BICD1: variants seen among roughly 807,000 people sequenced by gnomAD.
The protein encoded by BICD1 is BICD cargo adaptor 1, also known as protein bicaudal D homolog 1.
In BICD1, 35 loss-of-function variants were observed where a neutral mutation model predicts 92.5. That is an observed-to-expected ratio of 0.38 (90% CI 0.29 to 0.50). The LOEUF is 0.50. Among genes scored for constraint, BICD1 ranks in the 20% least tolerant of loss-of-function variants. The pLI, the probability that BICD1 is intolerant of heterozygous loss-of-function variation, is 0.93. For missense variants in BICD1, 950 were observed against 1,189.8 expected (o/e 0.80, Z 2.97); for synonymous variants, 429 against 465.1 (o/e 0.92, Z 1.00).
chr12:32,140,960 G>C (rs974498419), intron 1 of BICD1, among the ~76,000 whole-genome samples: 4 of 152,180 alleles, frequency 2.6e-5, no homozygotes, highest in Non-Finnish European at 5.9e-5. Context: ...TAGAACGTAC[G>C]TGTTTGCATG....
intron 2 of BICD1, among the ~76,000 whole-genome samples, chr12:32,274,506 A>C (rs900469859): frequency 1.3e-5 from 2 of 152,244 alleles, no homozygotes; most frequent in African/African-American, 2.4e-5. Flanking sequence ...CTCCAGAATC[A>C]GTTCTGAAGA....
chr12:32,124,322 G>A (rs953562136), intron 1 of BICD1, among the ~76,000 whole-genome samples: 4 of 152,178 alleles, frequency 2.6e-5, no homozygotes, highest in African/African-American at 9.7e-5. Context: ...TAAATGAATT[G>A]TGATATTTTA....
intron 1 of BICD1, among the ~76,000 whole-genome samples, chr12:32,201,104 G>T (rs1296713182): frequency 6.6e-6 from 1 of 152,118 alleles, no homozygotes; most frequent in Non-Finnish European, 1.5e-5. Context: ...AGAGCCTACT[G>T]TAATTTTTTC....
At chr12:32,211,113 C>G (rs1945200771) in intron 1 of BICD1, among the ~76,000 whole-genome samples, 1 of 152,164 alleles carries the variant, frequency 6.6e-6, no homozygotes, top group African/African-American at 2.4e-5. Context: ...CAGCCATTTT[C>G]TGAGTAGTGT....
chr12:32,300,399 AGCCAG>A (rs1948004102), intron 3 of BICD1, among the ~76,000 whole-genome samples: 1 of 151,896 alleles, frequency 6.6e-6, no homozygotes, highest in African/African-American at 2.4e-5. Context: ...CACCGTGCCC[AGCCAG>A]GACATACTAT....
At position 32,378,293 on chromosome 12, in the gene BICD1, A is replaced by T. The variant is rs190030615; in HGVS notation, c.*666A>T. The T allele has an allele frequency of 6.6e-6, 1 of 152,358 alleles. No homozygotes were observed. Among genetic ancestry groups the T allele is most frequent in the Non-Finnish European group, 1.5e-5 (1 of 68,034 alleles). The allele number at this position is 152,358 out of a possible 1,614,324, so 9.4% of individuals were successfully genotyped here. On this transcript the variant is annotated 3_prime_UTR_variant, in exon 10 of 10. Coordinates refer to ENST00000652176, the MANE Select transcript of BICD1 (RefSeq NM_001714.4). ...GTATTGTTTAGGCACTTACTTTCTA[A>T]TCAGTAGCTCATTAACTGCTGGGTT...
rs1324324952 is a variant in BICD1, at chr12:32,378,503, TAAAG to T, written c.*879_*882del. 1 of 152,212 alleles carries T rather than the reference TAAAG, an allele frequency of 6.6e-6. No individual in the cohort carries two copies. Among genetic ancestry groups the T allele is most frequent in the Non-Finnish European group, 1.5e-5 (1 of 68,038 alleles). 9.4% of individuals were successfully genotyped at this position (152,212 alleles called of 1,614,324 possible). On this transcript the variant is annotated 3_prime_UTR_variant, in exon 10 of 10. Transcript: ENST00000652176. The stretch of plus-strand genomic sequence containing the variant: ...TATGTGTGTATGTGTGTGATAACGT[TAAAG>T]AAGGCTCAATAACTTGAAGGGAAAA...
At chr12:32,320,802 A>G (rs1948635044) in intron 4 of BICD1, among the ~76,000 whole-genome samples, 1 of 152,248 alleles carries the variant, frequency 6.6e-6, no homozygotes, top group Non-Finnish European at 1.5e-5. Flanking sequence ...TGGCAAAACA[A>G]CCAGCTCTGC....
intron 2 of BICD1, among the ~76,000 whole-genome samples, chr12:32,271,619 G>A (rs752672554): frequency 2.0e-5 from 3 of 152,120 alleles, no homozygotes; most frequent in Non-Finnish European, 4.4e-5. Context: ...ACCTTGTGTG[G>A]AAAATGCTGT....
chr12:32,301,679 G>T (rs1322107502), intron 3 of BICD1, among the ~76,000 whole-genome samples: 3 of 151,926 alleles, frequency 2.0e-5, no homozygotes, highest in African/African-American at 7.3e-5. Context: ...GGAGGCTGAG[G>T]TGGGAGGATT....
At position 32,116,462 on chromosome 12, in the gene BICD1, GTCTC is replaced by G. The variant is rs1173406919; in HGVS notation, c.213+8944_213+8947del. On this transcript the variant is annotated intron_variant, in intron 1 of 9. Transcript: ENST00000652176. ...TCTCTGTCTGTCTGTCTGTCTGTCT[GTCTC>G]TCTCTCTCTCTCTCTCTCTCTCTCT... Among the ~76,000 whole-genome samples, 436 of 91,594 alleles carry G rather than the reference GTCTC, an allele frequency of 4.8e-3. 3 individuals are homozygous for G. Among genetic ancestry groups the G allele is most frequent in the East Asian group, 0.019 (69 of 3,684 alleles). 60.1% of individuals were successfully genotyped at this position (91,594 alleles called of 152,430 possible).
At chr12:32,333,026 A>G in intron 5 of BICD1, 2 of 985,424 alleles carry the variant, frequency 2.0e-6, no homozygotes. Flanking sequence ...GCTTTGGGGT[A>G]TTTGTCACAA....
chr12:32,287,928 T>C (rs1048741685), intron 2 of BICD1, among the ~76,000 whole-genome samples: 1 of 152,176 alleles, frequency 6.6e-6, no homozygotes, highest in Non-Finnish European at 1.5e-5. Flanking sequence ...CAAGATGGCC[T>C]TCCTCCCATG....
In BICD1 at chr12:32,280,151, C is replaced by T. The variant is rs529502130; in HGVS notation, c.427-13843C>T. On this transcript the variant is annotated intron_variant, in intron 2 of 9. Coordinates refer to ENST00000652176, the MANE Select transcript of BICD1 (RefSeq NM_001714.4). ...TGAAAATTATGCAGTATGGGTTTCACTGTAGTTTTACTACTCTTGTATAGA... is the reference window on the plus strand; with the variant it reads ...TGAAAATTATGCAGTATGGGTTTCATTGTAGTTTTACTACTCTTGTATAGA... Among the ~76,000 whole-genome samples the T allele has an allele frequency of 2.3e-3, 355 of 152,198 alleles. 2 individuals carry two copies. The highest frequency in any genetic ancestry group is 8.2e-3 in the African/African-American group (341 of 41,528).
intron 9 of BICD1, among the ~76,000 whole-genome samples, chr12:32,368,286 G>A (rs1250950319): frequency 6.6e-6 from 1 of 151,598 alleles, no homozygotes; most frequent in East Asian, 2.0e-4. Flanking sequence ...AATCGCTTGA[G>A]CCTGGGAGTT....
At chr12:32,140,493 G>GT (rs994146728) in intron 1 of BICD1, among the ~76,000 whole-genome samples, 1 of 152,056 alleles carries the variant, frequency 6.6e-6, no homozygotes, top group Non-Finnish European at 1.5e-5. Flanking sequence ...TGTTTTGTTT[G>GT]TTTTTTGATA....
At chr12:32,222,916 A>T (rs1335113969) in intron 2 of BICD1, among the ~76,000 whole-genome samples, 1 of 152,196 alleles carries the variant, frequency 6.6e-6, no homozygotes, top group Non-Finnish European at 1.5e-5. Flanking sequence ...TTAATCTTAG[A>T]TCTTCAGCCT....
intron 2 of BICD1, among the ~76,000 whole-genome samples, chr12:32,229,318 T>C (rs1279315954): frequency 1.3e-5 from 2 of 152,112 alleles, no homozygotes; most frequent in African/African-American, 2.4e-5. Context: ...GGCCATGGCA[T>C]TGGTGAAATC....
chr12:32,317,243 A>G (rs1356275192), intron 4 of BICD1, among the ~76,000 whole-genome samples: 4 of 152,176 alleles, frequency 2.6e-5, no homozygotes, highest in African/African-American at 9.7e-5. Flanking sequence ...GGCTGGGTCA[A>G]ATGGTATTTC....
Sources: gnomAD v4.1 joint callset for allele counts (sites outside exome capture counted in the v4.1 genomes callset) on GRCh38, gnomAD v4.1.1 for gene constraint, MANE v1.5 for transcripts, NCBI Gene and HGNC (gene_info 2026-07-23, HGNC 2026-07-21) for gene names.